PRPF8: variants seen among roughly 807,000 people sequenced by gnomAD.
PRPF8 encodes pre-mRNA processing factor 8.
Under a neutral mutation model 285.9 loss-of-function variants are expected in PRPF8, and 64 were observed. The ratio of observed to expected loss-of-function variants is 0.22; its 90% CI spans 0.18 to 0.28. The LOEUF (loss-of-function observed/expected upper bound fraction) is 0.28. Ranked by LOEUF, PRPF8 falls within the 10% of genes least tolerant of loss-of-function variation. The probability of loss-of-function intolerance (pLI) is 1.00; values close to 1 mark genes in which losing one functional copy is unlikely to be tolerated. For missense variants in PRPF8, 1,426 were observed against 3,026.7 expected (o/e 0.47, Z 12.41); for synonymous variants, 1,325 against 1,118.2 (o/e 1.18, Z -3.69).
intron 11 of PRPF8, 32 bp downstream of exon 11, chr17:1,678,985 C>T (rs778739598): frequency 6.2e-7 from 1 of 1,613,780 alleles, no homozygotes; most frequent in Admixed American, 1.7e-5. Context: ...GTCCTTGAAG[C>T]CCAGGAGGCC....
chr17:1,658,731 G>A lies in PRPF8; in HGVS notation c.5171C>T (p.Pro1724Leu). 6.2e-7 allele frequency: 1 copy of A among 1,614,126 alleles called. No homozygotes were observed. Among genetic ancestry groups the A allele is most frequent in the East Asian group, 2.2e-5 (1 of 44,896 alleles). The change falls in exon 33 of 43, where the codon CCT (proline) becomes CTT (leucine). Residue 1724 changes from proline (P) to leucine (L), a missense_variant. Physicochemically the swap from Pro to Leu is moderately conservative, Grantham distance 98. Around this residue, in one of 34 missense-constraint regions of PRPF8, gnomAD observed 74 missense variants for 161.8 expected, o/e 0.46. Transcript: ENST00000304992. This position sits in a 1 kb window ranked among gnomAD's most constrained non-coding sequence, Gnocchi z 4.1. ...CTTGGCCATGGCCTGTTGTATGAGAGGCTTGCTGCCTGGGAACCAGTTTCC... is the reference window on the plus strand; with the variant it reads ...CTTGGCCATGGCCTGTTGTATGAGAAGCTTGCTGCCTGGGAACCAGTTTCC... ...AYGNWFPGSK[P>L]LIQQAMAKIM...
In PRPF8 at chr17:1,679,407, A is replaced by G; in HGVS notation, c.1293T>C (p.Tyr431=). 3.1e-6 allele frequency: 5 copies of G among 1,612,624 alleles called. No homozygotes were observed. The highest frequency in any genetic ancestry group is 4.2e-6 in the Non-Finnish European group (5 of 1,180,004). The change falls in exon 10 of 43, where the codon TAT becomes TAC. Residue 431 remains tyrosine, a synonymous_variant. Transcript: ENST00000304992. The surrounding 1 kb of genome is among the most constrained non-coding windows in gnomAD (Gnocchi z 4.7). ...ALDIPLVKNW[Y]REHCPAGQPV... ...GCTGCCCGGCAGGACAATGCTCCCGATACCTGGAAAAATAAGCCCACCAGA... is the reference window on the plus strand; with the variant it reads ...GCTGCCCGGCAGGACAATGCTCCCGGTACCTGGAAAAATAAGCCCACCAGA...
chr17:1,675,493 C>G lies in PRPF8; in HGVS notation c.2872+127G>C. 12 of 1,453,724 alleles carry G rather than the reference C, an allele frequency of 8.3e-6. No individual in the cohort carries two copies. The highest frequency in any genetic ancestry group is 1.4e-5 in the African/African-American group (1 of 71,482). 90.1% of individuals were successfully genotyped at this position (1,453,724 alleles called of 1,614,324 possible). Reference sequence around the variant, plus strand: ...CTATGGGCTTTTCCTCAGTTTAACACGAACACTACTTCCCTTTACTACCAC... The same window carrying G: ...CTATGGGCTTTTCCTCAGTTTAACAGGAACACTACTTCCCTTTACTACCAC... On this transcript the variant is annotated intron_variant, in intron 19 of 42. Transcript: ENST00000304992. The surrounding 1 kb of genome is among the most constrained non-coding windows in gnomAD (Gnocchi z 6.0).
chr17:1,666,722 T>C (rs1439632665), intron 24 of PRPF8, among the ~76,000 whole-genome samples: 2 of 151,828 alleles, frequency 1.3e-5, no homozygotes, highest in Non-Finnish European at 2.9e-5. Flanking sequence ...GGTGAAAGAG[T>C]GCGTTGGCTG....
chr17:1,677,307 A>G, intron 14 of PRPF8, 135 bp from the exon 15 acceptor site: 1 of 1,037,308 alleles, frequency 9.6e-7, no homozygotes, highest in South Asian at 1.3e-5. Context: ...TGCCCAGCAT[A>G]TGCAAAAAGA....
At chr17:1,666,472 G>T (rs747326419) in intron 24 of PRPF8, among the ~76,000 whole-genome samples, 17 of 151,402 alleles carry the variant, frequency 1.1e-4, no homozygotes, top group Admixed American at 7.9e-4. Context: ...GGTCTCCTGA[G>T]CCTGGGAGGC....
chr17:1,675,533 A>C lies in PRPF8; in HGVS notation c.2872+87T>G. 1 of 1,565,948 alleles carries C rather than the reference A, an allele frequency of 6.4e-7. No homozygotes were observed. The highest frequency in any genetic ancestry group is 8.8e-7 in the Non-Finnish European group (1 of 1,137,570). On this transcript the variant is annotated intron_variant, in intron 19 of 42. Transcript: ENST00000304992. This position sits in a 1 kb window ranked among gnomAD's most constrained non-coding sequence, Gnocchi z 6.0. ...TTTACTACCACGCATCAAGAGAGTAAACCAATCATGCTACCCAGATGAGAT... is the reference window on the plus strand; with the variant it reads ...TTTACTACCACGCATCAAGAGAGTACACCAATCATGCTACCCAGATGAGAT...
At chr17:1,672,582 C>T (rs781725957) in intron 24 of PRPF8, among the ~76,000 whole-genome samples, 9 of 152,144 alleles carry the variant, frequency 5.9e-5, no homozygotes, top group East Asian at 5.8e-4. Flanking sequence ...CGTGCCCGGC[C>T]GAGGTAACTT....
chr17:1,666,929 C>T (rs958040411), intron 24 of PRPF8, among the ~76,000 whole-genome samples: 18 of 152,132 alleles, frequency 1.2e-4, no homozygotes, highest in Non-Finnish European at 2.6e-4. Context: ...AATCCCAGCA[C>T]TTTGGGAGGC....
rs1200079790 is a variant in PRPF8, at chr17:1,650,856, A to G, written c.6954T>C (p.Ala2318=). 6.2e-7 allele frequency: 1 copy of G among 1,614,086 alleles called. No homozygotes were observed. The highest frequency in any genetic ancestry group is 8.5e-7 in the Non-Finnish European group (1 of 1,180,016). Residue 2318 remains alanine, a synonymous_variant, in exon 43 of 43, where the codon GCT becomes GCC. Transcript: ENST00000304992. ...AGTAAACCTCCCCCTCCTGCAGGAGAGCAAAGTTGAGGAAGTGAGAGGGCC... is the reference window on the plus strand; with the variant it reads ...AGTAAACCTCCCCCTCCTGCAGGAGGGCAAAGTTGAGGAAGTGAGAGGGCC... ...VHRPSHFLNF[A]LLQEGEVYSA...
chr17:1,678,247 G>A (rs549854886), intron 13 of PRPF8, among the ~76,000 whole-genome samples: 8 of 152,222 alleles, frequency 5.3e-5, no homozygotes, highest in African/African-American at 1.2e-4. Flanking sequence ...CCCGGGAGGC[G>A]GAGGCTGTGG....
In PRPF8 at chr17:1,675,515, C is replaced by G; in HGVS notation, c.2872+105G>C. On this transcript the variant is annotated intron_variant, in intron 19 of 42. Transcript: ENST00000304992. This position sits in a 1 kb window ranked among gnomAD's most constrained non-coding sequence, Gnocchi z 6.0. ...ACACGAACACTACTTCCCTTTACTA[C>G]CACGCATCAAGAGAGTAAACCAATC... 1.3e-6 allele frequency: 2 copies of G among 1,497,046 alleles called. No homozygotes were observed. The highest frequency in any genetic ancestry group is 1.1e-5 in the South Asian group (1 of 88,674). The allele number at this position is 1,497,046 out of a possible 1,614,324, so 92.7% of individuals were successfully genotyped here. A position where few individuals can be genotyped will look rare whatever the true frequency, so the allele number is the denominator to read the frequency against.
intron 24 of PRPF8, among the ~76,000 whole-genome samples, chr17:1,670,823 C>T (rs747387523): frequency 2.0e-5 from 3 of 152,038 alleles, no homozygotes; most frequent in Non-Finnish European, 2.9e-5. Flanking sequence ...CTTCAGTGGT[C>T]CCCAAACCTG....
intron 3 of PRPF8, among the ~76,000 whole-genome samples, chr17:1,682,834 C>G (rs1375086122): frequency 2.6e-5 from 4 of 152,170 alleles, no homozygotes; most frequent in Non-Finnish European, 5.9e-5. Context: ...TGTACCTGTA[C>G]TAGCCCAGTT....
intron 24 of PRPF8, among the ~76,000 whole-genome samples, chr17:1,670,934 C>T (rs1014332932): frequency 9.1e-5 from 12 of 132,170 alleles, no homozygotes; most frequent in African/African-American, 3.6e-4. Flanking sequence ...GTGTGGGAAG[C>T]CAAAAAAAAA....
Position 1,684,689 on chromosome 17 carries a change from G to A in PRPF8, c.-12+91C>T, listed in dbSNP as rs570990375. Reference sequence around the variant, plus strand: ...CCGGCCTGCAGTCCCGCCACACAGTGCATCCAGCCCCGCCCGGCCTAACCC... The same window carrying A: ...CCGGCCTGCAGTCCCGCCACACAGTACATCCAGCCCCGCCCGGCCTAACCC... On this transcript the variant is annotated intron_variant, in intron 1 of 42. Transcript: ENST00000304992. 8.1e-4 allele frequency: 843 copies of A among 1,038,592 alleles called. 1 individual carries two copies. Among genetic ancestry groups the A allele is most frequent in the Non-Finnish European group, 1.1e-3 (727 of 683,948 alleles). The allele number at this position is 1,038,592 out of a possible 1,614,324, so 64.3% of individuals were successfully genotyped here. A position where few individuals can be genotyped will look rare whatever the true frequency, so the allele number is the denominator to read the frequency against.
At position 1,668,279 on chromosome 17, in the gene PRPF8, T is replaced by C. The variant is rs536979427; in HGVS notation, c.3774+4802A>G. On this transcript the variant is annotated intron_variant, in intron 24 of 42. Transcript: ENST00000304992. Reference sequence around the variant, plus strand: ...ATATCCAGTTCCCTGATGCCTACAATTCTTTCCCAGGCCAATGGCCTCTTC... The same window carrying C: ...ATATCCAGTTCCCTGATGCCTACAACTCTTTCCCAGGCCAATGGCCTCTTC... Among the ~76,000 whole-genome samples the C allele has an allele frequency of 1.4e-4, 22 of 152,158 alleles. 1 individual carries two copies. In the South Asian group the frequency reaches 4.6e-3, roughly 32 times the overall value.
intron 24 of PRPF8, among the ~76,000 whole-genome samples, chr17:1,672,000 C>T (rs1912351511): frequency 6.6e-6 from 1 of 151,926 alleles, no homozygotes; most frequent in East Asian, 1.9e-4. Context: ...GCCTAAGTGA[C>T]AGTGAGACCC....
intron 29 of PRPF8, 39 bp from the exon 30 acceptor site, chr17:1,660,617 G>A: frequency 3.1e-6 from 5 of 1,614,174 alleles, no homozygotes; most frequent in Non-Finnish European, 4.2e-6. Flanking sequence ...GAGATCAAGA[G>A]ACTCGGGCGC....
Sources: allele counts gnomAD v4.1 joint callset (sites outside exome capture counted in the v4.1 genomes callset), GRCh38; gene constraint gnomAD v4.1.1; regional missense constraint gnomAD v4.1.1; non-coding constraint Gnocchi (gnomAD v3.1); transcripts MANE v1.5; gene names NCBI Gene and HGNC (gene_info 2026-07-23, HGNC 2026-07-21).